GLDN: variants seen among roughly 807,000 people sequenced by gnomAD.
The protein encoded by GLDN is collomin.
A neutral mutation model predicts 56.5 loss-of-function variants in GLDN; 47 were observed. The observed-to-expected ratio is 0.83, with a 90% confidence interval of 0.66 to 1.06. GLDN has a LOEUF of 1.06. Among genes scored for constraint, GLDN ranks in the 50% least tolerant of loss-of-function variants. The pLI is 0.00. For missense variants in GLDN, 782 were observed against 714.3 expected (o/e 1.09, Z -1.08); for synonymous variants, 332 against 278.8 (o/e 1.19, Z -1.90).
chr15:51,348,371 C>T (rs776496026), intron 1 of GLDN, among the ~76,000 whole-genome samples: 21 of 151,810 alleles, frequency 1.4e-4, no homozygotes, highest in Non-Finnish European at 2.4e-4. Flanking sequence ...CTTACAGTGT[C>T]GCCCAAGCTG....
rs748371724 is a variant in GLDN, at chr15:51,401,782, A to C, written c.1178+39A>C. On this transcript the variant is annotated intron_variant, in intron 9 of 9. Coordinates refer to ENST00000335449, the MANE Select transcript of GLDN (RefSeq NM_181789.4). Reference sequence around the variant, plus strand: ...CAGCACCTTCTCACGCCTCTCAGGCAGCACCTGTGCTGTGGTGCTTTTGTG... The same window carrying C: ...CAGCACCTTCTCACGCCTCTCAGGCCGCACCTGTGCTGTGGTGCTTTTGTG... 5.1e-5 allele frequency: 81 copies of C among 1,595,506 alleles called. No individual in the cohort carries two copies. The South Asian group carries it at 8.8e-4, about 17-fold the overall frequency.
At chr15:51,398,120 C>A (rs1469034968) in intron 6 of GLDN, among the ~76,000 whole-genome samples, 1 of 152,194 alleles carries the variant, frequency 6.6e-6, no homozygotes, top group Non-Finnish European at 1.5e-5. Flanking sequence ...AAAACTGATA[C>A]CCCAAAGAGC....
At chr15:51,408,613 C>A (rs548274275), downstream of GLDN, among the ~76,000 whole-genome samples, 1 of 152,186 alleles carries the variant, frequency 6.6e-6, no homozygotes, top group South Asian at 2.1e-4. Context: ...TATACATGTG[C>A]CATGTTGGTG....
chr15:51,375,263 C>T (rs904787138), intron 1 of GLDN, among the ~76,000 whole-genome samples: 23 of 152,112 alleles, frequency 1.5e-4, no homozygotes, highest in Admixed American at 1.2e-3. Flanking sequence ...TTGAAAAAGA[C>T]AATGATTGTA....
chr15:51,350,362 G>C (rs1200722295), intron 1 of GLDN, among the ~76,000 whole-genome samples: 1 of 152,162 alleles, frequency 6.6e-6, no homozygotes, highest in Non-Finnish European at 1.5e-5. Context: ...GGTTGGGGGA[G>C]CTGATGAGAG....
intron 1 of GLDN, among the ~76,000 whole-genome samples, chr15:51,347,888 G>A (rs960573159): frequency 1.3e-5 from 2 of 152,128 alleles, no homozygotes; most frequent in Non-Finnish European, 2.9e-5. Flanking sequence ...TATATAATAA[G>A]AGTCAGAACA....
At chr15:51,384,232 G>A (rs542875643) in intron 4 of GLDN, 20 of 324,476 alleles carry the variant, frequency 6.2e-5, no homozygotes, top group Non-Finnish European at 1.0e-4. Flanking sequence ...ATGCTCTTTC[G>A]AGGCTCAGCT....
chr15:51,351,375 G>GA (rs1225148311), intron 1 of GLDN, among the ~76,000 whole-genome samples: 3 of 152,068 alleles, frequency 2.0e-5, no homozygotes, highest in African/African-American at 4.8e-5. Context: ...CTATGCCGGG[G>GA]AAAAAATTGA....
intron 1 of GLDN, among the ~76,000 whole-genome samples, chr15:51,342,740 G>T (rs1218988421): frequency 2.0e-5 from 3 of 152,134 alleles, no homozygotes; most frequent in Admixed American, 6.5e-5. Flanking sequence ...CCTGCGGATT[G>T]GTCTCCCCAC....
In GLDN at chr15:51,400,214, T is replaced by C. The variant is rs1407343469; in HGVS notation, c.840T>C (p.Asn280=). The C allele has an allele frequency of 6.2e-7, 1 of 1,614,132 alleles. No individual in the cohort carries two copies. The highest frequency in any genetic ancestry group is 1.7e-5 in the Admixed American group (1 of 60,022). The stretch of plus-strand genomic sequence containing the variant: ...TAGGTGAGACTTGTGCCATACCAAA[T>C]GATGATACCTTGGTTGGAAAAGCTG... ...QCPGETCAIP[N]DDTLVGKADE... The change falls in exon 7 of 10, where the codon AAT becomes AAC. Residue 280 remains asparagine, a synonymous_variant. Coordinates refer to ENST00000335449, the MANE Select transcript of GLDN (RefSeq NM_181789.4).
intron 1 of GLDN, 174 bp from the exon 2 acceptor site, chr15:51,377,275 G>T (rs539620834): frequency 3.4e-6 from 2 of 582,504 alleles, no homozygotes; most frequent in Non-Finnish European, 3.1e-6. Context: ...TGTATGATTC[G>T]TTGTTGACTG....
At chr15:51,376,885 A>G (rs1267048994) in intron 1 of GLDN, among the ~76,000 whole-genome samples, 1 of 152,192 alleles carries the variant, frequency 6.6e-6, no homozygotes, top group African/African-American at 2.4e-5. Flanking sequence ...AGCTGTGACA[A>G]CAGTGCCTTC....
chr15:51,387,929 A>T (rs1566947455), intron 4 of GLDN, among the ~76,000 whole-genome samples: 1 of 152,170 alleles, frequency 6.6e-6, no homozygotes, highest in Non-Finnish European at 1.5e-5. Context: ...TTTGTTAGCC[A>T]TATTTTTTCC....
At chr15:51,400,113 G>A (rs886996582) in intron 6 of GLDN, 79 bp from the exon 7 acceptor site, 3 of 1,197,480 alleles carry the variant, frequency 2.5e-6, no homozygotes, top group South Asian at 1.2e-5. Flanking sequence ...ATGAGGTGGG[G>A]AAGAGCAGCA....
At chr15:51,345,762 G>C (rs576854186) in intron 1 of GLDN, among the ~76,000 whole-genome samples, 2 of 152,146 alleles carry the variant, frequency 1.3e-5, no homozygotes, top group Admixed American at 1.3e-4. Flanking sequence ...AGAGCAACAA[G>C]ACAAGGGAAA....
chr15:51,385,062 A>G (rs3751586), intron 4 of GLDN: 24,946 of 152,188 alleles, frequency 0.16, 2,588 homozygotes, highest in Middle Eastern at 0.26. Context: ...ACGGGCACAC[A>G]CCGTCCAAGC....
chr15:51,376,665 ATACTT>A lies in GLDN; in HGVS notation c.364-781_364-777del, dbSNP rs574771227. Among the ~76,000 whole-genome samples the A allele has an allele frequency of 1.1e-4, 17 of 152,382 alleles. No homozygotes were observed. The South Asian group carries it at 3.5e-3, about 32-fold the overall frequency. On this transcript the variant is annotated intron_variant, in intron 1 of 9. Coordinates refer to ENST00000335449, the MANE Select transcript of GLDN (RefSeq NM_181789.4). Reference sequence around the variant, plus strand: ...AAACACATTGTACAGATCTACAAAAATACTTTATATCCTTATTATGTAAGCTTTTT... The same window carrying A: ...AAACACATTGTACAGATCTACAAAAATATATCCTTATTATGTAAGCTTTTT...
chr15:51,394,803 T>C, intron 4 of GLDN, 32 bp from the exon 5 acceptor site: 1 of 1,613,304 alleles, frequency 6.2e-7, no homozygotes, highest in South Asian at 1.1e-5. Context: ...TTTTGCACCA[T>C]AGGCTAATAT....
At chr15:51,382,299 T>C (rs1396401681) in intron 2 of GLDN, among the ~76,000 whole-genome samples, 2 of 152,064 alleles carry the variant, frequency 1.3e-5, no homozygotes, top group Non-Finnish European at 2.9e-5. Flanking sequence ...GCATTATGGT[T>C]TCAAAGAGTC....
Sources: gnomAD v4.1 joint callset for allele counts (sites outside exome capture counted in the v4.1 genomes callset) on GRCh38, gnomAD v4.1.1 for gene constraint, MANE v1.5 for transcripts, NCBI Gene and HGNC (gene_info 2026-07-23, HGNC 2026-07-21) for gene names.